ZNF668: variants seen among roughly 807,000 people sequenced by gnomAD.
ZNF668 encodes the protein zinc finger protein 668.
Under a neutral mutation model 40.3 loss-of-function variants are expected in ZNF668, and 10 were observed. The ratio of observed to expected loss-of-function variants is 0.25; its 90% confidence interval spans 0.15 to 0.42. The LOEUF (loss-of-function observed/expected upper bound fraction) is 0.42. ZNF668 is among the 10% of genes least tolerant of loss of function. ZNF668 has a pLI of 1.00. For missense variants in ZNF668, 749 were observed against 904.6 expected, an observed-to-expected ratio of 0.83 and a Z score of 2.21; for synonymous variants, 428 against 384.6, an observed-to-expected ratio of 1.11 and a Z score of -1.32.
intron 2 of ZNF668, chr16:31,062,763 CAAAAAAAAAAAAAA>C (rs58786460): frequency 9.5e-5 from 6 of 63,072 alleles, no homozygotes; most frequent in East Asian, 1.4e-3. Flanking sequence ...GACTCCGTCT[CAAAAAAAAAAAAAA>C]AAAAAGAAAA....
Position 31,064,475 on chromosome 16 carries a change from G to T in ZNF668, c.-16C>A. 6.2e-7 allele frequency: 1 copy of T among 1,606,596 alleles called. No homozygotes were observed. The highest frequency in any genetic ancestry group is 8.5e-7 in the Non-Finnish European group (1 of 1,179,792). On this transcript the variant is annotated 5_prime_UTR_variant, in exon 2 of 3. Transcript: ENST00000300849. ...CCACTTCCATGGCCTTGGTGAACGG[G>T]GTTTCTCTGCAAGAGAAGCAAAGTT... is the stretch of plus-strand genomic sequence containing the variant.
rs780078099 is a variant in ZNF668, at chr16:31,063,910, G to C, written c.550C>G (p.Arg184Gly). The C allele has an allele frequency of 6.3e-7, 1 of 1,595,302 alleles. No homozygotes were observed. Among genetic ancestry groups the C allele is most frequent in the Admixed American group, 1.8e-5 (1 of 56,880 alleles). ...CCAGCGTGAGTACGCCGGTGCTTGC[G>C]GAACACTGAAGGGTCAGCAAAGCTC... ...GKSFADPSVF[R>G]KHRRTHAGLR... is the part of the protein sequence containing the mutation. The change falls in exon 2 of 3, where the codon CGC becomes GGC. Residue 184 changes from arginine to glycine, a missense_variant. Arg to Gly is a moderately radical substitution (Grantham distance 125). Coordinates refer to ENST00000300849, the MANE Select transcript of ZNF668 (RefSeq NM_024706.5).
chr16:31,061,751 G>A lies in ZNF668; in HGVS notation c.1177C>T (p.His393Tyr). 1.2e-6 allele frequency: 2 copies of A among 1,613,350 alleles called. No homozygotes were observed. The highest frequency in any genetic ancestry group is 1.7e-6 in the Non-Finnish European group (2 of 1,179,898). Residue 393 changes from histidine to tyrosine, a missense_variant, in exon 3 of 3, where the codon CAC (histidine) becomes TAC (tyrosine). This residue lies in a region of ZNF668 where 310 missense variants were observed against 355.1 expected (regional missense o/e 0.87). Coordinates refer to ENST00000300849, the MANE Select transcript of ZNF668 (RefSeq NM_024706.5). This position sits in a 1 kb window ranked among gnomAD's most constrained non-coding sequence, Gnocchi z 7.7. ...AAGGATTTCCCACATGCGTTACAGT[G>A]GAAGGGGCGCTCCCCCGAGTGCACC... is the stretch of plus-strand genomic sequence containing the variant. Reference protein sequence around the residue: ...SRVHSGERPFHCNACGKSFVV... With the variant: ...SRVHSGERPFYCNACGKSFVV...
Position 31,064,543 on chromosome 16 carries a change from G to A in ZNF668, c.-22-62C>T, listed in dbSNP as rs752690446. ...CTTCGCCACTCCTGAAAGCCTCAGA[G>A]AGAACCCTATCTCATCTGCATTTCT... On this transcript the variant is annotated intron_variant, in intron 1 of 2. Transcript: ENST00000300849. The A allele has an allele frequency of 1.9e-6, 3 of 1,595,736 alleles. No homozygotes were observed. The South Asian group carries it at 3.3e-5, about 18-fold the overall frequency.
At chr16:31,063,034 C>T (rs2056947279) in intron 2 of ZNF668, among the ~76,000 whole-genome samples, 1 of 151,906 alleles carries the variant, frequency 6.6e-6, no homozygotes, top group Non-Finnish European at 1.5e-5. Flanking sequence ...GCGGAGGTTG[C>T]GGTGAGCCGA....
At chr16:31,072,709 C>G (rs2057024531) in intron 1 of ZNF668, 1 of 152,296 alleles carries the variant, frequency 6.6e-6, no homozygotes, top group Admixed American at 6.5e-5. Flanking sequence ...GGCCTCCTAC[C>G]GGGCCAGTTC....
In ZNF668 at chr16:31,061,809, G is replaced by A. The variant is rs756503243; in HGVS notation, c.1119C>T (p.Phe373=). 5.6e-6 allele frequency: 9 copies of A among 1,612,850 alleles called. No homozygotes were observed. The highest frequency in any genetic ancestry group is 3.3e-5 in the Admixed American group (2 of 59,994). Residue 373 remains phenylalanine (F), a synonymous_variant, in exon 3 of 3, where the codon TTC becomes TTT. Transcript: ENST00000300849. This position sits in a 1 kb window ranked among gnomAD's most constrained non-coding sequence, Gnocchi z 7.7. ...PFRCEECGRA[F]AERASLTKHS... is the part of the protein sequence containing the mutation. ...GCTTCGTGAGGCTGGCACGCTCGGC[G>A]AAGGCTCGCCCGCACTCCTCACAGC...
intron 1 of ZNF668, among the ~76,000 whole-genome samples, chr16:31,068,240 ATATATATAT>A (rs1212150091): frequency 5.8e-5 from 4 of 68,806 alleles, no homozygotes; most frequent in African/African-American, 2.7e-4. Context: ...AAAAAAAAAA[ATATATATAT>A]ATATATATAT....
Position 31,070,666 on chromosome 16 carries a change from G to A in ZNF668, c.-23+2993C>T, listed in dbSNP as rs538887424. 7.1e-4 allele frequency among the ~76,000 whole-genome samples: 106 copies of A among 150,010 alleles called. 1 individual carries two copies. Among genetic ancestry groups the A allele is most frequent in the African/African-American group, 2.5e-3 (101 of 40,696 alleles). On this transcript the variant is annotated intron_variant, in intron 1 of 2. Coordinates refer to ENST00000300849, the MANE Select transcript of ZNF668 (RefSeq NM_024706.5). ...CGAGATTTTCCTGCCTCAGCCTCCC[G>A]AGTAGCTGGAATTACAGGCATCCAC...
chr16:31,070,218 C>T (rs888248316), intron 1 of ZNF668, among the ~76,000 whole-genome samples: 1 of 150,544 alleles, frequency 6.6e-6, no homozygotes, highest in African/African-American at 2.4e-5. Flanking sequence ...GCGCCCGGCC[C>T]TTTTTTTGAG....
At chr16:31,068,220 T>TTAAAAAAAAAAAA (rs1555498568) in intron 1 of ZNF668, among the ~76,000 whole-genome samples, 1 of 9,380 alleles carries the variant, frequency 1.1e-4, no homozygotes, top group African/African-American at 2.9e-4. Flanking sequence ...ATCCCACCAT[T>TTAAAAAAAAAAAA]AAAAAAAAAA....
chr16:31,073,053 CGA>C (rs1389532380), intron 1 of ZNF668: 2 of 149,774 alleles, frequency 1.3e-5, no homozygotes, highest in East Asian at 4.3e-4. Flanking sequence ...GCCGAGGAGC[CGA>C]GAGTTGCAGA....
At chr16:31,064,724 C>T (rs1334540785) in intron 1 of ZNF668, 17 of 1,530,724 alleles carry the variant, frequency 1.1e-5, no homozygotes, top group Non-Finnish European at 1.4e-5. Flanking sequence ...GATTCACCTA[C>T]ACGTCCCCCC....
intron 1 of ZNF668, among the ~76,000 whole-genome samples, chr16:31,068,239 A>AAAAAAAAAAAATATATATAT (rs1473353128): frequency 1.2e-5 from 1 of 83,012 alleles, no homozygotes; most frequent in African/African-American, 5.0e-5. Flanking sequence ...AAAAAAAAAA[A>AAAAAAAAAAAATATATATAT]ATATATATAT....
chr16:31,068,035 C>A (rs549599573), intron 1 of ZNF668, among the ~76,000 whole-genome samples: 3 of 151,564 alleles, frequency 2.0e-5, no homozygotes, highest in Non-Finnish European at 4.4e-5. Context: ...CTTCTACTGC[C>A]TCTTGCCAGC....
chr16:31,064,487 A>C lies in ZNF668; in HGVS notation c.-22-6T>G. The C allele has an allele frequency of 6.2e-7, 1 of 1,604,018 alleles. No individual in the cohort carries two copies. On this transcript the variant is annotated splice_region_variant and splice_polypyrimidine_tract_variant and intron_variant, in intron 1 of 2. Coordinates refer to ENST00000300849, the MANE Select transcript of ZNF668 (RefSeq NM_024706.5). ...CCTTGGTGAACGGGGTTTCTCTGCA[A>C]GAGAAGCAAAGTTAGACCAAAGCCA...
chr16:31,068,220 T>TAAA lies in ZNF668; in HGVS notation c.-22-3742_-22-3740dup, dbSNP rs767511878. Among the ~76,000 whole-genome samples, 36 of 9,378 alleles carry TAAA rather than the reference T, an allele frequency of 3.8e-3. 5 individuals carry two copies. Among genetic ancestry groups the TAAA allele is most frequent in the Non-Finnish European group, 6.7e-3 (31 of 4,638 alleles). 6.2% of individuals were successfully genotyped at this position (9,378 alleles called of 152,430 possible). ...AGGTCTCTGTCTAACATCCCACCAT[T>TAAA]AAAAAAAAAAAAAAAAAAAATATAT... On this transcript the variant is annotated intron_variant, in intron 1 of 2. Transcript: ENST00000300849.
intron 1 of ZNF668, 59 bp downstream of exon 1, chr16:31,073,600 G>A (rs1336692381): frequency 1.3e-5 from 2 of 152,238 alleles, no homozygotes; most frequent in Non-Finnish European, 2.9e-5. Context: ...GGCCAGCTCG[G>A]ATCGTGGCCG....
Position 31,063,856 on chromosome 16 carries a change from C to A in ZNF668, c.604G>T (p.Gly202Cys), listed in dbSNP as rs761804407. 2.5e-6 allele frequency: 4 copies of A among 1,591,140 alleles called. No homozygotes were observed. The East Asian group carries it at 9.2e-5, about 37-fold the overall frequency. ...GLRPYSCERC[G>C]KAYAELKDLR... is the part of the protein sequence containing the mutation. The stretch of plus-strand genomic sequence containing the variant: ...TCCTTGAGCTCCGCATAGGCTTTGC[C>A]GCAACGCTCACAGCTGTAGGGCCGC... The change falls in exon 2 of 3, where the codon GGC (glycine) becomes TGC (cysteine). Residue 202 changes from glycine to cysteine, a missense_variant. Coordinates refer to ENST00000300849, the MANE Select transcript of ZNF668 (RefSeq NM_024706.5).
Sources: allele counts gnomAD v4.1 joint callset (sites outside exome capture counted in the v4.1 genomes callset), GRCh38; gene constraint gnomAD v4.1.1; regional missense constraint gnomAD v4.1.1; non-coding constraint Gnocchi (gnomAD v3.1); transcripts MANE v1.5; gene names NCBI Gene and HGNC (gene_info 2026-07-23, HGNC 2026-07-21).